The following DIAPH3 variants were observed in gnomAD, a reference collection of about 807,000 sequenced individuals.
DIAPH3 encodes the protein diaphanous related formin 3, also known as protein diaphanous homolog 3.
Under a neutral mutation model 144.3 loss-of-function variants are expected in DIAPH3, and 117 were observed. The ratio of observed to expected loss-of-function variants is 0.81; its 90% CI spans 0.70 to 0.95. The LOEUF (loss-of-function observed/expected upper bound fraction) is 0.95, where lower values mean the gene tolerates loss of function less well. DIAPH3 is among the 40% of genes least tolerant of loss of function. DIAPH3 has a pLI of 0.00. For missense variants in DIAPH3, 1,421 were observed against 1,412.7 expected (o/e 1.01, Z -0.09); for synonymous variants, 519 against 488.9 (o/e 1.06, Z -0.81).
intron 2 of DIAPH3, among the ~76,000 whole-genome samples, chr13:60,115,566 T>C (rs905221627): frequency 1.3e-5 from 2 of 152,178 alleles, no homozygotes; most frequent in Non-Finnish European, 2.9e-5. Context: ...TATAAAGTTA[T>C]AGTTTAATAC....
chr13:60,143,032 A>G (rs1374697448), intron 1 of DIAPH3, among the ~76,000 whole-genome samples: 2 of 151,870 alleles, frequency 1.3e-5, no homozygotes, highest in African/African-American at 4.8e-5. Flanking sequence ...GGATTACAGT[A>G]AGGTGTGAGT....
At chr13:59,791,695 A>C (rs1400471154) in intron 25 of DIAPH3, among the ~76,000 whole-genome samples, 1 of 152,200 alleles carries the variant, frequency 6.6e-6, no homozygotes, top group African/African-American at 2.4e-5. Flanking sequence ...ACAAAGAGGT[A>C]GTAGCTTTCA....
intron 19 of DIAPH3, among the ~76,000 whole-genome samples, chr13:59,912,812 T>C (rs1251157249): frequency 3.3e-5 from 5 of 152,136 alleles, no homozygotes; most frequent in Non-Finnish European, 7.4e-5. Context: ...AAAGGTGTTA[T>C]TAGTTAAAAA....
intron 27 of DIAPH3, among the ~76,000 whole-genome samples, chr13:59,768,072 T>G (rs544721713): frequency 1.2e-4 from 19 of 152,296 alleles, no homozygotes; most frequent in Non-Finnish European, 2.5e-4. Context: ...GACTGATGTT[T>G]GAATAAACTG....
intron 27 of DIAPH3, among the ~76,000 whole-genome samples, chr13:59,678,459 G>T (rs1479259999): frequency 6.6e-6 from 1 of 152,078 alleles, no homozygotes; most frequent in African/African-American, 2.4e-5. Flanking sequence ...CAGGTTTACA[G>T]ACAAGTGGCT....
At chr13:59,777,058 G>A (rs1460617886) in intron 25 of DIAPH3, among the ~76,000 whole-genome samples, 4 of 151,986 alleles carry the variant, frequency 2.6e-5, no homozygotes, top group East Asian at 1.9e-4. Context: ...GACCTCTCTC[G>A]CCCTCAGATC....
chr13:60,157,498 T>C (rs1017637427), intron 1 of DIAPH3, among the ~76,000 whole-genome samples: 3 of 152,260 alleles, frequency 2.0e-5, no homozygotes, highest in African/African-American at 7.2e-5. Flanking sequence ...TCATTCATTG[T>C]GAGCATATTT....
chr13:59,862,881 C>A (rs978449299), intron 21 of DIAPH3, among the ~76,000 whole-genome samples: 1 of 152,102 alleles, frequency 6.6e-6, no homozygotes, highest in South Asian at 2.1e-4. Context: ...CATTTTTGCT[C>A]TCCAAGAACC....
intron 18 of DIAPH3, among the ~76,000 whole-genome samples, chr13:59,920,186 A>G (rs917448867): frequency 3.3e-5 from 5 of 151,956 alleles, no homozygotes; most frequent in African/African-American, 1.2e-4. Flanking sequence ...AACGGTAGTT[A>G]TAAGTCCTTC....
intron 24 of DIAPH3, among the ~76,000 whole-genome samples, chr13:59,817,368 C>T (rs531682627): frequency 6.6e-6 from 1 of 151,828 alleles, no homozygotes; most frequent in South Asian, 2.1e-4. Flanking sequence ...CATTTTGGGG[C>T]TATGTTATTA....
At chr13:59,944,837 T>A (rs1205853241) in intron 17 of DIAPH3, among the ~76,000 whole-genome samples, 1 of 152,088 alleles carries the variant, frequency 6.6e-6, no homozygotes, top group East Asian at 1.9e-4. Flanking sequence ...TAGAACCTTT[T>A]AGAAAGGAGA....
intron 5 of DIAPH3, among the ~76,000 whole-genome samples, chr13:60,017,293 C>T (rs191308792): frequency 6.6e-6 from 1 of 151,724 alleles, no homozygotes; most frequent in Admixed American, 6.6e-5. Flanking sequence ...ATCCCAGCTA[C>T]TCGGAGAGGC....
At chr13:60,087,296 C>T (rs559025620) in intron 4 of DIAPH3, among the ~76,000 whole-genome samples, 11 of 152,254 alleles carry the variant, frequency 7.2e-5, no homozygotes, top group Non-Finnish European at 1.0e-4. Context: ...GATCAAGATA[C>T]GCCTAGAAGA....
intron 27 of DIAPH3, among the ~76,000 whole-genome samples, chr13:59,717,868 A>G (rs1394014198): frequency 6.6e-6 from 1 of 152,154 alleles, no homozygotes; most frequent in Non-Finnish European, 1.5e-5. Context: ...AAAAACAAAG[A>G]AAAAGAAAAA....
intron 17 of DIAPH3, among the ~76,000 whole-genome samples, chr13:59,965,019 A>T (rs1257732316): frequency 6.6e-6 from 1 of 152,194 alleles, no homozygotes; most frequent in Non-Finnish European, 1.5e-5. Context: ...GAGGTAGTTT[A>T]AAAAATTTTA....
At chr13:60,015,261 C>T (rs947492248) in intron 7 of DIAPH3, among the ~76,000 whole-genome samples, 16 of 152,084 alleles carry the variant, frequency 1.1e-4, no homozygotes, top group Non-Finnish European at 1.5e-4. Flanking sequence ...CATCCCAAAG[C>T]GGTAAGATTA....
intron 5 of DIAPH3, among the ~76,000 whole-genome samples, chr13:60,042,183 A>T (rs1361497333): frequency 6.6e-6 from 1 of 152,144 alleles, no homozygotes; most frequent in Non-Finnish European, 1.5e-5. Context: ...ACAAACTTAA[A>T]TTTGGACGTC....
Position 60,163,675 on chromosome 13 carries a change from C to T in DIAPH3, c.92G>A (p.Arg31Gln), listed in dbSNP as rs764945684. The T allele has an allele frequency of 7.5e-6, 12 of 1,607,462 alleles. No homozygotes were observed. The African/African-American group carries it at 1.3e-4, about 18-fold the overall frequency. ...YPSSASLRGC[R>Q]ESKMPRRKGP... ...CTTCCTGCGCGGCATCTTGCTTTCC[C>T]GGCAGCCGCGGAGAGAGGCTGAGGA... is the stretch of plus-strand genomic sequence containing the variant. Residue 31 changes from arginine to glutamine, a missense_variant, in exon 1 of 28, where the codon CGG becomes CAG. Transcript: ENST00000400324.
intron 17 of DIAPH3, among the ~76,000 whole-genome samples, chr13:59,954,855 G>A (rs1318951698): frequency 6.6e-6 from 1 of 151,926 alleles, no homozygotes. Flanking sequence ...TCAATCATGA[G>A]GCAGCACTAA....
Sources: allele counts gnomAD v4.1 joint callset (sites outside exome capture counted in the v4.1 genomes callset), GRCh38; gene constraint gnomAD v4.1.1; transcripts MANE v1.5; gene names NCBI Gene and HGNC (gene_info 2026-07-23, HGNC 2026-07-21).